Variants in PTPN12 observed in about 807,000 individuals in gnomAD.
PTPN12 encodes protein tyrosine phosphatase non-receptor type 12.
Under a neutral mutation model 97.6 loss-of-function variants are expected in PTPN12, and 29 were observed. That is an observed-to-expected ratio of 0.30 (90% confidence interval 0.22 to 0.41). The LOEUF (loss-of-function observed/expected upper bound fraction) is 0.41, where lower values mean the gene tolerates loss of function less well. Among genes scored for constraint, PTPN12 ranks in the 10% least tolerant of loss-of-function variants. The pLI, the probability that PTPN12 is intolerant of heterozygous loss-of-function variation, is 1.00. For missense variants in PTPN12, 819 were observed against 926.0 expected (o/e 0.88, Z 1.50); for synonymous variants, 327 against 300.4 (o/e 1.09, Z -0.91).
At chr7:77,629,069 C>T (rs1177871749) in intron 13 of PTPN12, among the ~76,000 whole-genome samples, 1 of 152,156 alleles carries the variant, frequency 6.6e-6, no homozygotes, top group East Asian at 1.9e-4. Context: ...CCTGCCTCAT[C>T]CTCCCTAGTA....
At chr7:77,570,289 A>T (rs923765286) in intron 1 of PTPN12, among the ~76,000 whole-genome samples, 3 of 152,216 alleles carry the variant, frequency 2.0e-5, no homozygotes, top group Non-Finnish European at 2.9e-5. Flanking sequence ...ATTTTATCAG[A>T]TTTATTTTTC....
At chr7:77,550,558 G>A (rs1479148397) in intron 1 of PTPN12, among the ~76,000 whole-genome samples, 3 of 152,030 alleles carry the variant, frequency 2.0e-5, no homozygotes, top group Non-Finnish European at 4.4e-5. Flanking sequence ...GAAGAGTAAT[G>A]AATGCCCTTT....
In PTPN12 at chr7:77,537,710, G is replaced by T. The variant is rs1053924136; in HGVS notation, c.99+65G>T. 6.5e-5 allele frequency: 97 copies of T among 1,502,936 alleles called. 1 individual carries two copies. The highest frequency in any genetic ancestry group is 6.4e-5 in the Non-Finnish European group (71 of 1,117,778). The allele number at this position is 1,502,936 out of a possible 1,614,324, so 93.1% of individuals were successfully genotyped here. A position where few individuals can be genotyped will look rare whatever the true frequency, so the allele number is the denominator to read the frequency against. Reference sequence around the variant, plus strand: ...CCGGAGCCCATCGCCGCCTCTCCCGGCCGGGCCGCCAGTGCTTTGTGTACC... The same window carrying T: ...CCGGAGCCCATCGCCGCCTCTCCCGTCCGGGCCGCCAGTGCTTTGTGTACC... On this transcript the variant is annotated intron_variant, in intron 1 of 17. Transcript: ENST00000248594.
intron 7 of PTPN12, among the ~76,000 whole-genome samples, chr7:77,599,109 A>G (rs1299769908): frequency 6.6e-6 from 1 of 151,780 alleles, no homozygotes; most frequent in Non-Finnish European, 1.5e-5. Context: ...TAATTATAAC[A>G]TACCCTAAAT....
intron 4 of PTPN12, chr7:77,585,308 C>A: frequency 2.7e-6 from 1 of 371,916 alleles, no homozygotes; most frequent in Non-Finnish European, 4.8e-6. Context: ...TAATTCAAAC[C>A]AAAAACATCA....
At chr7:77,632,509 A>G (rs1789433812) in intron 14 of PTPN12, 84 bp downstream of exon 14, 4 of 945,126 alleles carry the variant, frequency 4.2e-6, no homozygotes, top group Middle Eastern at 2.3e-4. Flanking sequence ...TCTATTAGCT[A>G]TTGTGCTACA....
At chr7:77,625,847 G>A (rs576548401) in intron 12 of PTPN12, among the ~76,000 whole-genome samples, 1 of 152,034 alleles carries the variant, frequency 6.6e-6, no homozygotes, top group South Asian at 2.1e-4. Context: ...TGGGATTACA[G>A]GCGTGAGCCA....
rs371127363 is a variant in PTPN12 at position 77,607,127 on chromosome 7, A to G, written c.696-108A>G. On this transcript the variant is annotated intron_variant, in intron 8 of 17. Coordinates refer to ENST00000248594, the MANE Select transcript of PTPN12 (RefSeq NM_002835.4). ...TTTATTACTAAGTAGAATTTTGTCA[A>G]ACTTCTTAAATGATTTTTTGTTTCT... 188 of 891,478 alleles carry G rather than the reference A, an allele frequency of 2.1e-4. 1 individual carries two copies. The Middle Eastern group carries it at 3.2e-3, about 15-fold the overall frequency. 55.2% of individuals were successfully genotyped at this position (891,478 alleles called of 1,614,324 possible).
At chr7:77,630,604 C>T (rs145955903) in intron 13 of PTPN12, among the ~76,000 whole-genome samples, 3 of 152,156 alleles carry the variant, frequency 2.0e-5, no homozygotes, top group African/African-American at 4.8e-5. Flanking sequence ...CTTACAGGAC[C>T]GCTGTTGTTT....
chr7:77,590,112 C>T (rs1447939980), intron 5 of PTPN12, among the ~76,000 whole-genome samples: 2 of 152,208 alleles, frequency 1.3e-5, no homozygotes, highest in Admixed American at 1.3e-4. Context: ...TGGTGCAGTA[C>T]AGTTCACTCT....
intron 13 of PTPN12, 77 bp from the exon 14 acceptor site, chr7:77,632,271 T>C: frequency 8.9e-7 from 1 of 1,120,126 alleles, no homozygotes. Flanking sequence ...ACAGGAATTT[T>C]TAGAATGTCA....
intron 8 of PTPN12, chr7:77,604,859 T>A (rs1196183721): frequency 4.6e-6 from 2 of 431,348 alleles, no homozygotes; most frequent in East Asian, 7.3e-5. Flanking sequence ...AGAATTTAAT[T>A]TTTTGCTCTT....
rs1215305176 is a variant in PTPN12 at position 77,613,175 on chromosome 7, T to G, written c.939+2129T>G. On this transcript the variant is annotated intron_variant, in intron 11 of 17. Coordinates refer to ENST00000248594, the MANE Select transcript of PTPN12 (RefSeq NM_002835.4). ...TTTTCTTTAATTTTTGGGTTTTTTT[T>G]TTTTTTTTTTTTTTTTTGAGATGGA... Among the ~76,000 whole-genome samples, 25 of 134,196 alleles carry G rather than the reference T, an allele frequency of 1.9e-4. 1 individual carries two copies. Among genetic ancestry groups the G allele is most frequent in the East Asian group, 6.5e-4 (3 of 4,640 alleles). 88.0% of individuals were successfully genotyped at this position (134,196 alleles called of 152,430 possible).
At chr7:77,575,365 T>C (rs1307624774) in intron 2 of PTPN12, among the ~76,000 whole-genome samples, 2 of 151,862 alleles carry the variant, frequency 1.3e-5, no homozygotes, top group African/African-American at 4.8e-5. Flanking sequence ...TCTCTCTTTC[T>C]CTCTCTCGTG....
Position 77,625,468 on chromosome 7 carries a change from G to GCTCTCTCT in PTPN12, c.1026-1234_1026-1233insTCTCTCTC, listed in dbSNP as rs139289279. On this transcript the variant is annotated intron_variant, in intron 12 of 17. Coordinates refer to ENST00000248594, the MANE Select transcript of PTPN12 (RefSeq NM_002835.4). ...AGGGTTTTGCCATATTGCCCAGGCT[G>GCTCTCTCT]CTCGCTCTCTCTCTCTCTCTCTCTC... Among the ~76,000 whole-genome samples, 69 of 24,756 alleles carry GCTCTCTCT rather than the reference G, an allele frequency of 2.8e-3. 6 individuals carry two copies. The highest frequency in any genetic ancestry group is 9.4e-3 in the African/African-American group (38 of 4,060). The allele number at this position is 24,756 out of a possible 152,430, so 16.2% of individuals were successfully genotyped here. A position where few individuals can be genotyped will look rare whatever the true frequency, so the allele number is the denominator to read the frequency against.
At chr7:77,596,955 G>A (rs1788041014) in intron 6 of PTPN12, among the ~76,000 whole-genome samples, 1 of 151,974 alleles carries the variant, frequency 6.6e-6, no homozygotes, top group African/African-American at 2.4e-5. Context: ...AGAAATATAT[G>A]ATGACGTGTA....
Position 77,630,634 on chromosome 7 carries a change from A to C in PTPN12, c.1997-1714A>C, listed in dbSNP as rs193071768. Among the ~76,000 whole-genome samples, 160 of 152,314 alleles carry C rather than the reference A, an allele frequency of 1.1e-3. 1 individual carries two copies. Among genetic ancestry groups the C allele is most frequent in the African/African-American group, 3.7e-3 (154 of 41,558 alleles). On this transcript the variant is annotated intron_variant, in intron 13 of 17. Coordinates refer to ENST00000248594, the MANE Select transcript of PTPN12 (RefSeq NM_002835.4). ...TTGTTTATGCGGTCTTGTTGATGAA[A>C]ACATCATTATGTAGTGCATGACTAT...
At chr7:77,593,286 T>C (rs948477767) in intron 6 of PTPN12, among the ~76,000 whole-genome samples, 1 of 145,688 alleles carries the variant, frequency 6.9e-6, no homozygotes, top group Non-Finnish European at 1.5e-5. Context: ...AAAAAAAAAA[T>C]TAATGAATTT....
chr7:77,564,703 T>C (rs2151311411), intron 1 of PTPN12, among the ~76,000 whole-genome samples: 2 of 150,502 alleles, frequency 1.3e-5, no homozygotes, highest in South Asian at 4.2e-4. Context: ...AGTTGTGCCT[T>C]ATGAAACTCA....
Sources: gnomAD v4.1 joint callset for allele counts (sites outside exome capture counted in the v4.1 genomes callset) on GRCh38, gnomAD v4.1.1 for gene constraint, MANE v1.5 for transcripts, NCBI Gene and HGNC (gene_info 2026-07-23, HGNC 2026-07-21) for gene names.